Variants in PVT1 observed in about 807,000 individuals in gnomAD.
The protein encoded by PVT1 is Pvt1 oncogene.
At chr8:127,924,847 C>T (rs1816110138) in intron 3 of PVT1, among the ~76,000 whole-genome samples, 1 of 151,826 alleles carries the variant, frequency 6.6e-6, no homozygotes, top group Non-Finnish European at 1.5e-5. Context: ...GGGGTTTTGC[C>T]ACGTTGCCCA....
At chr8:127,798,162 G>A (rs1814418865) in intron 2 of PVT1, among the ~76,000 whole-genome samples, 1 of 151,818 alleles carries the variant, frequency 6.6e-6, no homozygotes, top group African/African-American at 2.4e-5. Context: ...AAATTAGCCG[G>A]GCATGGTGGC....
chr8:127,869,645 C>G (rs984668806), intron 2 of PVT1, among the ~76,000 whole-genome samples: 4 of 152,126 alleles, frequency 2.6e-5, no homozygotes, highest in Non-Finnish European at 5.9e-5. Context: ...CTGTTCCCTG[C>G]TACTTCATAA....
rs901729323 is a variant in PVT1, at chr8:128,100,646, C to T, written n.1251+3992C>T. 3.3e-5 allele frequency among the ~76,000 whole-genome samples: 5 copies of T among 152,294 alleles called. No homozygotes were observed. In the South Asian group the frequency reaches 8.3e-4, roughly 25 times the overall value. On this transcript the variant is annotated intron_variant and non_coding_transcript_variant, in intron 6 of 10. Transcript: ENST00000651587. ...CCTCTCTCATCCATCCTGTTGAAACCACCTTTGCAAAAGGTGTGTCAATGA... is the reference window on the plus strand; with the variant it reads ...CCTCTCTCATCCATCCTGTTGAAACTACCTTTGCAAAAGGTGTGTCAATGA...
intron 2 of PVT1, among the ~76,000 whole-genome samples, chr8:127,881,488 T>A (rs1440369990): frequency 2.0e-5 from 3 of 150,412 alleles, no homozygotes; most frequent in Non-Finnish European, 4.4e-5. Flanking sequence ...TTCACTCTTG[T>A]CGCCCAGGTT....
At chr8:128,039,963 A>G (rs550762041) in intron 4 of PVT1, among the ~76,000 whole-genome samples, 34 of 152,216 alleles carry the variant, frequency 2.2e-4, no homozygotes, top group Non-Finnish European at 3.4e-4. Flanking sequence ...GCAACTACAG[A>G]ATGAAGTTTC....
chr8:127,806,427 T>C (rs111954433), intron 2 of PVT1, among the ~76,000 whole-genome samples: 3,357 of 151,962 alleles, frequency 0.022, 54 homozygotes, highest in African/African-American at 0.037. Flanking sequence ...TGCCACTGCA[T>C]GCCAGCCTGG....
At chr8:128,021,951 C>T (rs1283352589) in intron 4 of PVT1, among the ~76,000 whole-genome samples, 4 of 152,152 alleles carry the variant, frequency 2.6e-5, no homozygotes, top group African/African-American at 9.7e-5. Flanking sequence ...ATTTGGGATG[C>T]TGAGGCATGA....
intron 3 of PVT1, among the ~76,000 whole-genome samples, chr8:127,937,580 C>CAGAGAGAGAGAGAGAGAGAGAGAG (rs1554598547): frequency 1.4e-4 from 15 of 107,858 alleles, no homozygotes; most frequent in African/African-American, 5.6e-4. Flanking sequence ...CACACACACA[C>CAGAGAGAGAGAGAGAGAGAGAGAG]AGAGAGAGAG....
intron 2 of PVT1, among the ~76,000 whole-genome samples, chr8:127,807,632 C>T (rs1814542256): frequency 6.6e-6 from 1 of 151,988 alleles, no homozygotes; most frequent in Non-Finnish European, 1.5e-5. Flanking sequence ...ATCTTTAATG[C>T]TTTTTTTGAA....
intron 4 of PVT1, among the ~76,000 whole-genome samples, chr8:128,007,474 C>G (rs900558381): frequency 2.9e-4 from 44 of 151,122 alleles, no homozygotes; most frequent in African/African-American, 1.0e-3. Flanking sequence ...TTTATATGTA[C>G]TAATATGGGA....
chr8:127,915,230 G>C (rs934937104), intron 3 of PVT1, among the ~76,000 whole-genome samples: 1 of 152,060 alleles, frequency 6.6e-6, no homozygotes, highest in African/African-American at 2.4e-5. Flanking sequence ...CACTGATTTT[G>C]TACACTTTAA....
chr8:128,091,889 G>A (rs192864169), intron 5 of PVT1, among the ~76,000 whole-genome samples: 61 of 152,318 alleles, frequency 4.0e-4, no homozygotes, highest in Non-Finnish European at 4.0e-4. Flanking sequence ...TCCAGGCTTT[G>A]TGGCATATGG....
rs560242114 is a variant in PVT1, at chr8:127,960,128, G to A, written n.783-29034G>A. 9.2e-5 allele frequency among the ~76,000 whole-genome samples: 14 copies of A among 152,276 alleles called. 1 individual carries two copies. The highest frequency in any genetic ancestry group is 1.5e-4 in the Non-Finnish European group (10 of 68,014). ...TCTCCCTCTTTTGCTAGAAGGGATCGGCTTAGGCAGCCATTGTGGTGTTCA... is the reference window on the plus strand; with the variant it reads ...TCTCCCTCTTTTGCTAGAAGGGATCAGCTTAGGCAGCCATTGTGGTGTTCA... On this transcript the variant is annotated intron_variant and non_coding_transcript_variant, in intron 3 of 10. Transcript: ENST00000651587.
At chr8:127,914,259 GCAAAAAAAAAAAAAAAAAA>G in intron 3 of PVT1, among the ~76,000 whole-genome samples, 3 of 28,264 alleles carry the variant, frequency 1.1e-4, no homozygotes, top group African/African-American at 3.0e-4. Context: ...ACCACCAACA[GCAAAAAAAAAAAAAAAAAA>G]AAAAAAAAAA....
intron 3 of PVT1, chr8:127,960,708 G>C (rs757007596): frequency 1.2e-5 from 6 of 515,046 alleles, no homozygotes; most frequent in Admixed American, 8.6e-5. Context: ...CCATTTTTCA[G>C]ACACAAAAAC....
Position 127,897,927 on chromosome 8 carries a change from GGAAA to G in PVT1, n.782+6942_782+6945del, listed in dbSNP as rs1198956927. ...AAAAAGACAGACAGGAAGGAAGAAA[GGAAA>G]GAAAGAAAGAAAAGGGAAGGAAGGA... is the stretch of plus-strand genomic sequence containing the variant. On this transcript the variant is annotated intron_variant and non_coding_transcript_variant, in intron 3 of 10. Coordinates refer to ENST00000651587, the Ensembl canonical transcript of PVT1. Among the ~76,000 whole-genome samples, 184 of 146,664 alleles carry G rather than the reference GGAAA, an allele frequency of 1.3e-3. 2 individuals carry two copies. Among genetic ancestry groups the G allele is most frequent in the African/African-American group, 1.2e-3 (49 of 39,582 alleles).
chr8:127,840,179 C>G (rs891415653), intron 2 of PVT1, among the ~76,000 whole-genome samples: 1 of 152,170 alleles, frequency 6.6e-6, no homozygotes, highest in Non-Finnish European at 1.5e-5. Context: ...GAGCAGGAAG[C>G]CAGTGGAGGG....
chr8:127,832,159 G>C (rs1251961468), intron 2 of PVT1, among the ~76,000 whole-genome samples: 1 of 151,820 alleles, frequency 6.6e-6, no homozygotes, highest in Non-Finnish European at 1.5e-5. Context: ...CCCCCATCTC[G>C]GCATACATCC....
intron 3 of PVT1, among the ~76,000 whole-genome samples, chr8:127,951,875 G>C (rs978940001): frequency 1.7e-4 from 25 of 151,336 alleles, no homozygotes; most frequent in African/African-American, 5.8e-4. Flanking sequence ...GAGTGCAGTG[G>C]CATGATCTCG....
Sources: allele counts gnomAD v4.1 joint callset (sites outside exome capture counted in the v4.1 genomes callset), GRCh38; gene constraint gnomAD v4.1.1; transcripts MANE v1.5; gene names NCBI Gene and HGNC (gene_info 2026-07-23, HGNC 2026-07-21).